Variants in OPCML observed in about 807,000 individuals in gnomAD.
OPCML encodes the protein opioid-binding protein/cell adhesion molecule.
A neutral mutation model predicts 37.8 loss-of-function variants in OPCML; 13 were observed. The ratio of observed to expected loss-of-function variants is 0.34; its 90% CI spans 0.22 to 0.55. The LOEUF (loss-of-function observed/expected upper bound fraction) is 0.55, where lower values mean the gene tolerates loss of function less well. Ranked by LOEUF, OPCML falls within the 20% of genes least tolerant of loss-of-function variation. The pLI is 0.91. For missense variants in OPCML, 341 were observed against 435.6 expected, an observed-to-expected ratio of 0.78 and a Z score of 1.93; for synonymous variants, 176 against 168.8, an observed-to-expected ratio of 1.04 and a Z score of -0.33.
chr11:133,290,898 T>C lies in OPCML; in HGVS notation c.61+241366A>G, dbSNP rs118151347. Among the ~76,000 whole-genome samples the C allele has an allele frequency of 1.7e-3, 254 of 152,322 alleles. 1 individual carries two copies. Among genetic ancestry groups the C allele is most frequent in the Non-Finnish European group, 2.4e-3 (166 of 68,028 alleles). On this transcript the variant is annotated intron_variant, in intron 1 of 7. Transcript: ENST00000524381. ...TTTCAAGAAGTAGCCGCAGCTTACA[T>C]TGTTACTCTCCCAGGGCCACTTGAA... is the stretch of plus-strand genomic sequence containing the variant.
intron 1 of OPCML, among the ~76,000 whole-genome samples, chr11:133,352,263 C>A (rs1368305264): frequency 6.6e-6 from 1 of 152,214 alleles, no homozygotes; most frequent in Non-Finnish European, 1.5e-5. Flanking sequence ...TTTCCTGAAG[C>A]TTTCCCATTG....
At chr11:132,863,825 A>C (rs1942409657) in intron 2 of OPCML, among the ~76,000 whole-genome samples, 1 of 152,198 alleles carries the variant, frequency 6.6e-6, no homozygotes, top group Non-Finnish European at 1.5e-5. Context: ...TTAGATCATG[A>C]CCTTTGCGTC....
intron 1 of OPCML, among the ~76,000 whole-genome samples, chr11:133,186,241 C>G (rs188871307): frequency 6.6e-6 from 1 of 152,072 alleles, no homozygotes; most frequent in East Asian, 1.9e-4. Context: ...CCTGTAAGCT[C>G]CAAAAGAGAA....
At chr11:132,965,508 C>G (rs909032640) in intron 1 of OPCML, among the ~76,000 whole-genome samples, 1 of 151,916 alleles carries the variant, frequency 6.6e-6, no homozygotes, top group South Asian at 2.1e-4. Flanking sequence ...ATATTTTTGT[C>G]GTTGTTGTTG....
At position 132,416,467 on chromosome 11, in the gene OPCML, G is replaced by A. The variant is rs971858215; in HGVS notation, c.*3726C>T. 20 of 152,204 alleles carry A rather than the reference G, an allele frequency of 1.3e-4. No homozygotes were observed. The highest frequency in any genetic ancestry group is 4.3e-4 in the African/African-American group (18 of 41,448). The allele number at this position is 152,204 out of a possible 1,614,324, so 9.4% of individuals were successfully genotyped here. ...GGTTCTCTGCTTTTCTCATGGAATAGTTCTTTCAGCATAAATAGAACTTGC... is the reference window on the plus strand; with the variant it reads ...GGTTCTCTGCTTTTCTCATGGAATAATTCTTTCAGCATAAATAGAACTTGC... On this transcript the variant is annotated 3_prime_UTR_variant, in exon 8 of 8. Coordinates refer to ENST00000524381, the MANE Select transcript of OPCML (RefSeq NM_001012393.5).
intron 1 of OPCML, among the ~76,000 whole-genome samples, chr11:133,235,154 A>G (rs1376898025): frequency 6.6e-6 from 1 of 152,088 alleles, no homozygotes; most frequent in African/African-American, 2.4e-5. Flanking sequence ...TCCCCACCCA[A>G]CCACACTATC....
At chr11:133,085,734 G>C (rs1330910422) in intron 1 of OPCML, among the ~76,000 whole-genome samples, 1 of 152,214 alleles carries the variant, frequency 6.6e-6, no homozygotes, top group African/African-American at 2.4e-5. Context: ...TCAAAGACAA[G>C]TCGGAATTTT....
chr11:132,702,719 G>A (rs1475639452), intron 2 of OPCML, among the ~76,000 whole-genome samples: 1 of 151,882 alleles, frequency 6.6e-6, no homozygotes, highest in East Asian at 1.9e-4. Flanking sequence ...ACTCGATGGT[G>A]TCCCATAAGT....
intron 1 of OPCML, among the ~76,000 whole-genome samples, chr11:133,011,260 C>T (rs1947206787): frequency 6.6e-6 from 1 of 152,136 alleles, no homozygotes; most frequent in African/African-American, 2.4e-5. Context: ...GAGAGCAGTA[C>T]ATACAGAGGA....
intron 2 of OPCML, among the ~76,000 whole-genome samples, chr11:132,834,120 A>T (rs934841304): frequency 4.9e-4 from 74 of 152,234 alleles, no homozygotes; most frequent in Non-Finnish European, 8.4e-4. Context: ...AAGTTGGCTG[A>T]TGTTTGATTA....
At chr11:133,325,909 T>A (rs1224053289) in intron 1 of OPCML, among the ~76,000 whole-genome samples, 3 of 152,210 alleles carry the variant, frequency 2.0e-5, no homozygotes, top group African/African-American at 7.2e-5. Context: ...CAGTCTTTTG[T>A]GTGCTAATGC....
chr11:132,593,218 C>T (rs777391989), intron 3 of OPCML, among the ~76,000 whole-genome samples: 2 of 151,980 alleles, frequency 1.3e-5, no homozygotes, highest in Admixed American at 1.3e-4. Context: ...TTCAACAGCC[C>T]CACAGAGGGA....
chr11:133,110,227 G>A (rs1029269330), intron 1 of OPCML, among the ~76,000 whole-genome samples: 9 of 152,202 alleles, frequency 5.9e-5, no homozygotes, highest in Admixed American at 1.3e-4. Context: ...AGTATTTTGA[G>A]ATCTGGAGTA....
chr11:132,673,311 C>G (rs772656114), intron 2 of OPCML, among the ~76,000 whole-genome samples: 3 of 151,916 alleles, frequency 2.0e-5, no homozygotes, highest in Non-Finnish European at 4.4e-5. Flanking sequence ...TGATGATGAT[C>G]GTGATGGTGG....
At chr11:133,168,986 T>G (rs1017930205) in intron 1 of OPCML, among the ~76,000 whole-genome samples, 1 of 151,818 alleles carries the variant, frequency 6.6e-6, no homozygotes, top group African/African-American at 2.4e-5. Context: ...AAAAGCTAGC[T>G]GGGTGTGGTG....
At chr11:133,266,960 C>T (rs1457487260) in intron 1 of OPCML, among the ~76,000 whole-genome samples, 1 of 152,190 alleles carries the variant, frequency 6.6e-6, no homozygotes, top group Non-Finnish European at 1.5e-5. Flanking sequence ...ATCTCAGAGA[C>T]TTGCCTGTCA....
At chr11:133,071,408 A>G (rs888204487) in intron 1 of OPCML, among the ~76,000 whole-genome samples, 1 of 152,222 alleles carries the variant, frequency 6.6e-6, no homozygotes, top group Non-Finnish European at 1.5e-5. Flanking sequence ...TAAAAAGTAC[A>G]ATATATTGAG....
chr11:133,439,238 T>C (rs980034947), intron 1 of OPCML: 1 of 966,300 alleles, frequency 1.0e-6, no homozygotes, highest in Non-Finnish European at 1.2e-6. Context: ...CCAGGCAGCG[T>C]CACAATTGAG....
At chr11:133,290,888 G>T (rs1041658351) in intron 1 of OPCML, among the ~76,000 whole-genome samples, 2 of 152,200 alleles carry the variant, frequency 1.3e-5, no homozygotes, top group Non-Finnish European at 2.9e-5. Flanking sequence ...AGAAGTAGCC[G>T]CAGCTTACAT....
Sources: gnomAD v4.1 joint callset for allele counts (sites outside exome capture counted in the v4.1 genomes callset) on GRCh38, gnomAD v4.1.1 for gene constraint, MANE v1.5 for transcripts, NCBI Gene and HGNC (gene_info 2026-07-23, HGNC 2026-07-21) for gene names.